The following PLD5 variants were observed in gnomAD, a reference collection of about 807,000 sequenced individuals.
PLD5 encodes phospholipase D family member 5, also known as inactive phospholipase D5.
PLD5 carries 36 observed loss-of-function variants against 61.1 expected under a neutral mutation model. The ratio of observed to expected loss-of-function variants is 0.59; its 90% CI spans 0.45 to 0.78. PLD5 has a LOEUF of 0.78. Among genes scored for constraint, PLD5 ranks in the 30% least tolerant of loss-of-function variants. The probability of loss-of-function intolerance (pLI) is 0.00; values close to 1 mark genes in which losing one functional copy is unlikely to be tolerated. For missense variants in PLD5, 515 were observed against 644.4 expected, an observed-to-expected ratio of 0.80 and a Z score of 2.17; for synonymous variants, 243 against 242.8, an observed-to-expected ratio of 1.00 and a Z score of -0.01.
intron 6 of PLD5, among the ~76,000 whole-genome samples, chr1:242,117,156 G>A (rs1157526957): frequency 6.6e-6 from 1 of 152,132 alleles, no homozygotes; most frequent in Non-Finnish European, 1.5e-5. Flanking sequence ...CTAATTGGGA[G>A]GGGTGTATCC....
At chr1:242,520,630 T>A (rs567662970) in intron 1 of PLD5, among the ~76,000 whole-genome samples, 1 of 152,300 alleles carries the variant, frequency 6.6e-6, no homozygotes, top group South Asian at 2.1e-4. Context: ...CTCCGTACAG[T>A]GCAGCTGGCA....
intron 2 of PLD5, among the ~76,000 whole-genome samples, chr1:242,297,403 CTTTT>C (rs71176739): frequency 1.4e-4 from 3 of 21,896 alleles, no homozygotes; most frequent in African/African-American, 2.5e-4. Context: ...CCCTTCAAGA[CTTTT>C]TTTTTTTTTT....
At chr1:242,422,177 T>G (rs1665180572) in intron 1 of PLD5, among the ~76,000 whole-genome samples, 1 of 151,932 alleles carries the variant, frequency 6.6e-6, no homozygotes, top group Non-Finnish European at 1.5e-5. Flanking sequence ...AGTAAATATA[T>G]ATATATACTG....
intron 8 of PLD5, among the ~76,000 whole-genome samples, chr1:242,102,481 A>T (rs2148672029): frequency 6.6e-6 from 1 of 152,358 alleles, no homozygotes; most frequent in Admixed American, 6.5e-5. Context: ...TTGTTAAAAA[A>T]AACTAAAAAA....
chr1:242,259,779 CATATT>C (rs1175630108), intron 4 of PLD5, among the ~76,000 whole-genome samples: 21 of 151,518 alleles, frequency 1.4e-4, no homozygotes, highest in South Asian at 8.3e-4. Flanking sequence ...ATATTGTAGT[CATATT>C]ATAGAAAGTA....
chr1:242,147,987 C>T (rs1664651634), intron 5 of PLD5, among the ~76,000 whole-genome samples: 1 of 152,052 alleles, frequency 6.6e-6, no homozygotes. Flanking sequence ...TTCATTTTCT[C>T]AGCAATTTAT....
intron 2 of PLD5, among the ~76,000 whole-genome samples, chr1:242,347,076 T>C (rs1660181707): frequency 6.6e-6 from 1 of 152,274 alleles, no homozygotes; most frequent in Non-Finnish European, 1.5e-5. Context: ...CTTTCTTTTA[T>C]GCTTTGCTCT....
chr1:242,393,237 T>A (rs1397760019), intron 1 of PLD5, among the ~76,000 whole-genome samples: 79 of 39,424 alleles, frequency 2.0e-3, no homozygotes, highest in African/African-American at 3.2e-3. Context: ...TATATATATG[T>A]GTATATATAT....
At chr1:242,344,147 A>G (rs1272960913) in intron 2 of PLD5, among the ~76,000 whole-genome samples, 2 of 152,250 alleles carry the variant, frequency 1.3e-5, no homozygotes, top group African/African-American at 4.8e-5. Context: ...TTAATGACCA[A>G]CAGCTTCCTT....
At chr1:242,432,360 C>T (rs151112129) in intron 1 of PLD5, among the ~76,000 whole-genome samples, 44 of 152,268 alleles carry the variant, frequency 2.9e-4, no homozygotes, top group African/African-American at 9.9e-4. Context: ...AAGGAGAAAA[C>T]GAGCTTAGAC....
At chr1:242,311,864 C>T (rs1676717125) in intron 2 of PLD5, among the ~76,000 whole-genome samples, 2 of 152,198 alleles carry the variant, frequency 1.3e-5, no homozygotes, top group African/African-American at 4.8e-5. Flanking sequence ...TTGATGGGAT[C>T]CTGCAAGTTC....
At chr1:242,151,630 T>C (rs1455387112) in intron 5 of PLD5, among the ~76,000 whole-genome samples, 2 of 152,078 alleles carry the variant, frequency 1.3e-5, no homozygotes, top group African/African-American at 4.8e-5. Context: ...ATTTGTTTCC[T>C]TACTTGTTTG....
chr1:242,111,422 C>T (rs2148697895), intron 7 of PLD5, among the ~76,000 whole-genome samples: 1 of 152,196 alleles, frequency 6.6e-6, no homozygotes, highest in African/African-American at 2.4e-5. Context: ...CTTCCTACTA[C>T]CTTGAAAACT....
chr1:242,114,081 T>C (rs997810334), intron 6 of PLD5, 55 bp from the exon 7 acceptor site: 218 of 1,580,614 alleles, frequency 1.4e-4, no homozygotes, highest in Non-Finnish European at 1.8e-4. Flanking sequence ...CAGCTGGGGA[T>C]TTATTTATTT....
chr1:242,447,668 T>C (rs1404074555), intron 1 of PLD5, among the ~76,000 whole-genome samples: 1 of 152,220 alleles, frequency 6.6e-6, no homozygotes, highest in Non-Finnish European at 1.5e-5. Context: ...ATGGCCTGAA[T>C]GTAAACAGCT....
chr1:242,489,980 G>A (rs1189849815), intron 1 of PLD5, among the ~76,000 whole-genome samples: 2 of 152,218 alleles, frequency 1.3e-5, no homozygotes, highest in African/African-American at 4.8e-5. Flanking sequence ...CTGAAGCAGA[G>A]AGAAAGGTTC....
chr1:242,397,671 C>T (rs1663672294), intron 1 of PLD5, among the ~76,000 whole-genome samples: 2 of 152,136 alleles, frequency 1.3e-5, no homozygotes, highest in Non-Finnish European at 2.9e-5. Context: ...TGTACTCCCT[C>T]ACTCCCTACC....
intron 2 of PLD5, among the ~76,000 whole-genome samples, chr1:242,312,246 A>T (rs200810968): frequency 3.8e-5 from 5 of 130,212 alleles, no homozygotes; most frequent in African/African-American, 5.3e-5. Flanking sequence ...TTTTTTTTTT[A>T]ATTTTAATGT....
chr1:242,449,450 A>G (rs1168596470), intron 1 of PLD5: 2 of 1,535,080 alleles, frequency 1.3e-6, no homozygotes, highest in African/African-American at 2.7e-5. Context: ...CTTCAGAGGC[A>G]GAGAATGTTT....
Sources: allele counts gnomAD v4.1 joint callset (sites outside exome capture counted in the v4.1 genomes callset), GRCh38; gene constraint gnomAD v4.1.1; transcripts MANE v1.5; gene names NCBI Gene and HGNC (gene_info 2026-07-23, HGNC 2026-07-21).